PALM2AKAP2: variants seen among roughly 807,000 people sequenced by gnomAD.
PALM2AKAP2 encodes the protein PALM2 and AKAP2 fusion, also known as PALM2-AKAP2 fusion protein.
PALM2AKAP2 carries 37 observed loss-of-function variants against 71.5 expected under a neutral mutation model. The ratio of observed to expected loss-of-function variants is 0.52; its 90% CI spans 0.40 to 0.68. The LOEUF (loss-of-function observed/expected upper bound fraction) is 0.68. PALM2AKAP2 is among the 30% of genes least tolerant of loss of function. PALM2AKAP2 has a pLI of 0.00. For missense variants in PALM2AKAP2, 1,224 were observed against 1,191.8 expected, an observed-to-expected ratio of 1.03 and a Z score of -0.40; for synonymous variants, 468 against 478.8, an observed-to-expected ratio of 0.98 and a Z score of 0.29.
chr9:109,796,731 A>G (rs1827266325), intron 1 of PALM2AKAP2, among the ~76,000 whole-genome samples: 2 of 152,192 alleles, frequency 1.3e-5, no homozygotes, highest in African/African-American at 4.8e-5. Context: ...AAACACTTAT[A>G]AAACCATCAG....
At chr9:109,822,172 C>T (rs1219643192) in intron 1 of PALM2AKAP2, among the ~76,000 whole-genome samples, 2 of 152,156 alleles carry the variant, frequency 1.3e-5, no homozygotes, top group African/African-American at 4.8e-5. Flanking sequence ...CCCACAGAAT[C>T]GAAAACAGAA....
At chr9:110,097,952 A>G (rs1834894046) in intron 1 of PALM2AKAP2, among the ~76,000 whole-genome samples, 1 of 142,900 alleles carries the variant, frequency 7.0e-6, no homozygotes, top group South Asian at 2.1e-4. Context: ...CGTGGTAAGG[A>G]GCTGGAGACC....
chr9:109,915,662 G>A (rs568252597), intron 3 of PALM2AKAP2, among the ~76,000 whole-genome samples: 9 of 152,114 alleles, frequency 5.9e-5, no homozygotes, highest in African/African-American at 1.4e-4. Context: ...TATAATGTAC[G>A]TAAAACACTC....
At chr9:109,872,645 CT>C (rs2131722730) in intron 2 of PALM2AKAP2, among the ~76,000 whole-genome samples, 1 of 152,252 alleles carries the variant, frequency 6.6e-6, no homozygotes, top group South Asian at 2.1e-4. Context: ...TCCAAGAAAG[CT>C]GAATGAAAAA....
chr9:110,068,038 A>T (rs1834120380), intron 1 of PALM2AKAP2, among the ~76,000 whole-genome samples: 1 of 149,436 alleles, frequency 6.7e-6, no homozygotes, highest in Non-Finnish European at 1.5e-5. Context: ...TTAGCAAGTA[A>T]GAATTTCCCA....
At chr9:109,940,756 A>G (rs1291317133) in intron 6 of PALM2AKAP2, among the ~76,000 whole-genome samples, 1 of 152,182 alleles carries the variant, frequency 6.6e-6, no homozygotes, top group Non-Finnish European at 1.5e-5. Context: ...AGAAGTCGTT[A>G]TGGCCACAAT....
At chr9:109,763,320 T>C (rs904465160) in intron 1 of PALM2AKAP2, among the ~76,000 whole-genome samples, 2 of 152,054 alleles carry the variant, frequency 1.3e-5, no homozygotes, top group African/African-American at 4.8e-5. Context: ...TTTCTCTCCA[T>C]CTCCATAGAG....
intron 1 of PALM2AKAP2, among the ~76,000 whole-genome samples, chr9:109,653,362 G>T (rs1827252137): frequency 2.0e-5 from 3 of 152,186 alleles, no homozygotes; most frequent in Admixed American, 2.0e-4. Flanking sequence ...CACGTTTGCT[G>T]AGATCACATC....
chr9:110,129,146 A>G (rs1051372048), intron 1 of PALM2AKAP2, among the ~76,000 whole-genome samples: 1 of 152,206 alleles, frequency 6.6e-6, no homozygotes, highest in Non-Finnish European at 1.5e-5. Flanking sequence ...AAGAAGTCAC[A>G]TTTCTAGCTG....
At chr9:109,743,157 A>C (rs999312593) in intron 1 of PALM2AKAP2, among the ~76,000 whole-genome samples, 2 of 152,074 alleles carry the variant, frequency 1.3e-5, no homozygotes, top group Non-Finnish European at 2.9e-5. Flanking sequence ...CAACTCCCCA[A>C]ATCCAGTAGG....
intron 1 of PALM2AKAP2, among the ~76,000 whole-genome samples, chr9:109,847,003 C>G (rs1359883): frequency 0.011 from 1,726 of 152,304 alleles, 42 homozygotes; most frequent in African/African-American, 0.04. Context: ...GTTCCACCAG[C>G]AATGTGGCCA....
intron 1 of PALM2AKAP2, among the ~76,000 whole-genome samples, chr9:109,781,144 T>C (rs1420790863): frequency 1.3e-5 from 2 of 152,174 alleles, no homozygotes; most frequent in Non-Finnish European, 2.9e-5. Flanking sequence ...TGGTGTGGAG[T>C]ATCTGAAAAC....
At chr9:109,936,202 C>A (rs866611894) in intron 6 of PALM2AKAP2, among the ~76,000 whole-genome samples, 1 of 152,170 alleles carries the variant, frequency 6.6e-6, no homozygotes, top group Non-Finnish European at 1.5e-5. Context: ...TATCCATCAT[C>A]TCAAACATTT....
At chr9:109,937,544 A>G (rs1831254720) in intron 6 of PALM2AKAP2, among the ~76,000 whole-genome samples, 1 of 152,220 alleles carries the variant, frequency 6.6e-6, no homozygotes, top group South Asian at 2.1e-4. Flanking sequence ...AATAATTCTT[A>G]AAAACAGCAT....
chr9:109,740,378 C>T (rs903912560), intron 1 of PALM2AKAP2, among the ~76,000 whole-genome samples: 1 of 152,064 alleles, frequency 6.6e-6, no homozygotes, highest in Non-Finnish European at 1.5e-5. Flanking sequence ...GTGGATGGTG[C>T]TGATTGGGAT....
intron 1 of PALM2AKAP2, among the ~76,000 whole-genome samples, chr9:109,723,404 A>G (rs1243356562): frequency 6.6e-6 from 1 of 152,178 alleles, no homozygotes; most frequent in Non-Finnish European, 1.5e-5. Context: ...TATTTAATGA[A>G]CACCACCATG....
At chr9:109,909,343 T>C (rs1203071404) in intron 3 of PALM2AKAP2, among the ~76,000 whole-genome samples, 3 of 152,222 alleles carry the variant, frequency 2.0e-5, no homozygotes, top group Non-Finnish European at 1.5e-5. Context: ...TTAATTTGAA[T>C]TTGTTCTTTT....
At chr9:109,950,104 T>C (rs978539141) in intron 6 of PALM2AKAP2, among the ~76,000 whole-genome samples, 1 of 152,122 alleles carries the variant, frequency 6.6e-6, no homozygotes, top group Non-Finnish European at 1.5e-5. Context: ...AGGCAACATG[T>C]TGAGACCATG....
chr9:109,712,179 A>G (rs73529170), intron 1 of PALM2AKAP2, among the ~76,000 whole-genome samples: 8,503 of 152,254 alleles, frequency 0.056, 545 homozygotes, highest in African/African-American at 0.16. Flanking sequence ...GTTTCATGTC[A>G]GTATTACCAG....
Sources: gnomAD v4.1 joint callset for allele counts (sites outside exome capture counted in the v4.1 genomes callset) on GRCh38, gnomAD v4.1.1 for gene constraint, MANE v1.5 for transcripts, NCBI Gene and HGNC (gene_info 2026-07-23, HGNC 2026-07-21) for gene names.